TSPOAP1: variants seen among roughly 807,000 people sequenced by gnomAD.
The protein encoded by TSPOAP1 is TSPO associated protein 1.
In TSPOAP1, 87 loss-of-function variants were observed where a neutral mutation model predicts 197.0. The observed-to-expected ratio is 0.44, with a 90% CI of 0.37 to 0.53. The LOEUF is 0.53. TSPOAP1 is among the 20% of genes least tolerant of loss of function. The pLI is 0.00. For missense variants in TSPOAP1, 2,174 were observed against 2,411.3 expected (o/e 0.90, Z 2.06); for synonymous variants, 913 against 998.9 (o/e 0.91, Z 1.62).
At chr17:58,320,980 C>T (rs1265273228) in intron 10 of TSPOAP1, among the ~76,000 whole-genome samples, 1 of 152,078 alleles carries the variant, frequency 6.6e-6, no homozygotes, top group African/African-American at 2.4e-5. Flanking sequence ...TTTATATTGT[C>T]TACTCTCTTC....
In TSPOAP1 at chr17:58,308,829, C is replaced by T. The variant is rs768685274; in HGVS notation, c.4443G>A (p.Ala1481=). 1.2e-5 allele frequency: 20 copies of T among 1,611,762 alleles called. No individual in the cohort carries two copies. The highest frequency in any genetic ancestry group is 1.1e-4 in the African/African-American group (8 of 74,934). ...GPSRRCSRGR[A]LEPGLASCLS... is the part of the protein sequence containing the mutation. Reference sequence around the variant, plus strand: ...GGCAGCTGGCCAGGCCAGGCTCCAGCGCCCGGCCACGGGAGCACCTCCGGG... The same window carrying T: ...GGCAGCTGGCCAGGCCAGGCTCCAGTGCCCGGCCACGGGAGCACCTCCGGG... Residue 1481 remains alanine (A), a synonymous_variant, in exon 22 of 32, where the codon GCG becomes GCA. Transcript: ENST00000343736.
chr17:58,312,288 G>A lies in TSPOAP1; in HGVS notation c.2533C>T (p.Leu845=), dbSNP rs752983349. 2 of 1,612,790 alleles carry A rather than the reference G, an allele frequency of 1.2e-6. No individual in the cohort carries two copies. Among genetic ancestry groups the A allele is most frequent in the East Asian group, 2.2e-5 (1 of 44,882 alleles). The change falls in exon 17 of 32, where the codon CTG becomes TTG. Residue 845 remains leucine, a synonymous_variant. Coordinates refer to ENST00000343736, the MANE Select transcript of TSPOAP1 (RefSeq NM_004758.4). ...LGPGAPPKAV[L]ENLDLWAGPL... is the part of the protein sequence containing the mutation. The stretch of plus-strand genomic sequence containing the variant: ...CCGGCCCACAGGTCCAGGTTCTCCA[G>A]CACGGCCTTGGGTGGCGCCCCAGGC...
rs747818219 is a variant in TSPOAP1 at position 58,312,312 on chromosome 17, G to A, written c.2509C>T (p.Pro837Ser). 1.8e-5 allele frequency: 29 copies of A among 1,612,876 alleles called. No homozygotes were observed. In the South Asian group the frequency reaches 2.6e-4, roughly 15 times the overall value. ...VNGELRQALG[P>S]GAPPKAVLEN... ...AGCACGGCCTTGGGTGGCGCCCCAGGCCCCAGGGCCTGTCGCAGCTCCCCA... is the reference window on the plus strand; with the variant it reads ...AGCACGGCCTTGGGTGGCGCCCCAGACCCCAGGGCCTGTCGCAGCTCCCCA... The change falls in exon 17 of 32, where the codon CCT becomes TCT. Residue 837 changes from proline (P) to serine (S), a missense_variant. By Grantham distance (74) the Pro-to-Ser change is moderately conservative. Coordinates refer to ENST00000343736, the MANE Select transcript of TSPOAP1 (RefSeq NM_004758.4).
chr17:58,321,988 A>G (rs1455907555), intron 10 of TSPOAP1: 3 of 325,296 alleles, frequency 9.2e-6, no homozygotes, highest in South Asian at 6.2e-5. Flanking sequence ...GAGCATGTGC[A>G]TGTCTACACC....
At chr17:58,320,233 G>T in intron 11 of TSPOAP1, 104 bp from the exon 12 acceptor site, 2 of 1,377,190 alleles carry the variant, frequency 1.5e-6, no homozygotes, top group Non-Finnish European at 2.1e-6. Flanking sequence ...ATATCATCCA[G>T]TCAGCTCCCT....
Position 58,308,722 on chromosome 17 carries a change from G to T in TSPOAP1, c.4550C>A (p.Thr1517Asn). Residue 1517 changes from threonine (T) to asparagine (N), a missense_variant, in exon 22 of 32, where the codon ACC (threonine) becomes AAC (asparagine). This residue lies in a region of TSPOAP1 where 1,933 missense variants were observed against 2,139.0 expected (regional missense o/e 0.90). Coordinates refer to ENST00000343736, the MANE Select transcript of TSPOAP1 (RefSeq NM_004758.4). ...QEAGSGGISI[T>N]SSCYPGDGEA... ...CCCATCTCCAGGGTAGCAGGAGCTG[G>T]TGATGCTGATGCCCCCGCTGCCCGC... 1 of 1,613,068 alleles carries T rather than the reference G, an allele frequency of 6.2e-7. No individual in the cohort carries two copies. Among genetic ancestry groups the T allele is most frequent in the Non-Finnish European group, 8.5e-7 (1 of 1,179,984 alleles).
chr17:58,308,774 C>G lies in TSPOAP1; in HGVS notation c.4498G>C (p.Glu1500Gln). 1 of 1,613,082 alleles carries G rather than the reference C, an allele frequency of 6.2e-7. No individual in the cohort carries two copies. The highest frequency in any genetic ancestry group is 8.5e-7 in the Non-Finnish European group (1 of 1,180,004). The part of the protein sequence containing the change: ...LSPKCLEISI[E>Q]YDSEDEQEAG... ...TCCTGCTCATCCTCCGAATCATATT[C>G]AATGCTGATTTCCAAGCACTTGGGG... Residue 1500 changes from glutamate (E) to glutamine (Q), a missense_variant, in exon 22 of 32, where the codon GAA becomes CAA. Physicochemically the swap from Glu to Gln is conservative, Grantham distance 29. Around this residue, in one of 5 missense-constraint regions of TSPOAP1, gnomAD observed 1,933 missense variants for 2,139.0 expected, o/e 0.90. Coordinates refer to ENST00000343736, the MANE Select transcript of TSPOAP1 (RefSeq NM_004758.4).
Position 58,305,842 on chromosome 17 carries a change from G to A in TSPOAP1, c.5248C>T (p.Pro1750Ser), listed in dbSNP as rs1442818041. Residue 1750 changes from proline to serine, a missense_variant, in exon 27 of 32, where the codon CCC becomes TCC. Physicochemically the swap from Pro to Ser is moderately conservative, Grantham distance 74 (BLOSUM62 -1). Transcript: ENST00000343736. ...AGGGATATTCCTTCACCTGGACAGG[G>A]CTGGGCAGGGCCTTCCGACTCAGCT... ...KKAESEGPAQ[P>S]CPGPPKLVPS... The A allele has an allele frequency of 6.2e-7, 1 of 1,612,766 alleles. No individual in the cohort carries two copies. The highest frequency in any genetic ancestry group is 8.5e-7 in the Non-Finnish European group (1 of 1,179,704).
rs1970745108 is a variant in TSPOAP1 at position 58,302,429 on chromosome 17, G to A, written c.*51C>T. On this transcript the variant is annotated 3_prime_UTR_variant, in exon 32 of 32. Transcript: ENST00000343736. The stretch of plus-strand genomic sequence containing the variant: ...CCACCTGGGGGCCCTGGGGACCCTT[G>A]TGTGGTGCAGCCCCAGTCCTGAAAT... 7.9e-7 allele frequency: 1 copy of A among 1,270,586 alleles called. No homozygotes were observed. Among genetic ancestry groups the A allele is most frequent in the South Asian group, 1.3e-5 (1 of 78,370 alleles). The allele number at this position is 1,270,586 out of a possible 1,614,324, so 78.7% of individuals were successfully genotyped here.
chr17:58,322,738 C>T lies in TSPOAP1; in HGVS notation c.1233G>A (p.Leu411=), dbSNP rs763313640. 2 of 1,612,962 alleles carry T rather than the reference C, an allele frequency of 1.2e-6. No individual in the cohort carries two copies. Among genetic ancestry groups the T allele is most frequent in the Non-Finnish European group, 1.7e-6 (2 of 1,180,004 alleles). ...CTGAGTCCCTCTCCTGTGTCACCCC[C>T]AGGAGCTGGCCCCTCAGCTCCGCAT... is the stretch of plus-strand genomic sequence containing the variant. ...WENAELRGQL[L]GVTQERDSAL... is the part of the protein sequence containing the mutation. The change falls in exon 9 of 32, where the codon CTG becomes CTA. Residue 411 remains leucine (L), a synonymous_variant. Coordinates refer to ENST00000343736, the MANE Select transcript of TSPOAP1 (RefSeq NM_004758.4). The surrounding 1 kb of genome is among the most constrained non-coding windows in gnomAD (Gnocchi z 5.0).
At position 58,328,023 on chromosome 17, in the gene TSPOAP1, T is replaced by C. The variant is rs539406830; in HGVS notation, c.-103A>G. 7 of 1,066,808 alleles carry C rather than the reference T, an allele frequency of 6.6e-6. No individual in the cohort carries two copies. The South Asian group carries it at 6.6e-5, about 10-fold the overall frequency. 66.1% of individuals were successfully genotyped at this position (1,066,808 alleles called of 1,614,324 possible). Reference sequence around the variant, plus strand: ...AGGCCAGCCCCTCTCCCCTCTGAGCTCTTGCTTCACCGACGCTCCATCCAA... The same window carrying C: ...AGGCCAGCCCCTCTCCCCTCTGAGCCCTTGCTTCACCGACGCTCCATCCAA... On this transcript the variant is annotated 5_prime_UTR_variant, in exon 1 of 32. Transcript: ENST00000343736. The surrounding 1 kb of genome is among the most constrained non-coding windows in gnomAD (Gnocchi z 4.3).
In TSPOAP1 at chr17:58,324,876, A is replaced by T; in HGVS notation, c.877T>A (p.Ser293Thr). The T allele has an allele frequency of 2.0e-6, 3 of 1,531,220 alleles. No individual in the cohort carries two copies. In the African/African-American group the frequency reaches 4.1e-5, roughly 21 times the overall value. 94.9% of individuals were successfully genotyped at this position (1,531,220 alleles called of 1,614,324 possible). Residue 293 changes from serine (S) to threonine (T), a missense_variant, in exon 5 of 32, where the codon TCC (serine) becomes ACC (threonine). Transcript: ENST00000343736. This position sits in a 1 kb window ranked among gnomAD's most constrained non-coding sequence, Gnocchi z 5.8. ...TGGAGAGCAGGGCCCGGGGGCCAGG[A>T]CGGCGGGAGCGGGAGCGTCTCCCGC... The part of the protein sequence containing the change: ...NQRETLPLPP[S>T]WPPGPALQAR...
Position 58,304,074 on chromosome 17 carries a change from C to T in TSPOAP1, c.*32+264G>A. On this transcript the variant is annotated intron_variant, in intron 31 of 31. Transcript: ENST00000343736. This position sits in a 1 kb window ranked among gnomAD's most constrained non-coding sequence, Gnocchi z 4.2. The stretch of plus-strand genomic sequence containing the variant: ...ACATGTGTTATAGAATAGGAAGCAT[C>T]AGCTAATATGGGACATCACACACTA... The T allele has an allele frequency of 2.2e-6, 1 of 447,684 alleles. No individual in the cohort carries two copies. The highest frequency in any genetic ancestry group is 4.1e-6 in the Non-Finnish European group (1 of 246,360). 27.7% of individuals were successfully genotyped at this position (447,684 alleles called of 1,614,324 possible). A position where few individuals can be genotyped will look rare whatever the true frequency, so the allele number is the denominator to read the frequency against.
rs367626812 is a variant in TSPOAP1 at position 58,310,477 on chromosome 17, C to A, written c.3699+35G>T. On this transcript the variant is annotated intron_variant, in intron 20 of 31. Coordinates refer to ENST00000343736, the MANE Select transcript of TSPOAP1 (RefSeq NM_004758.4). ...AAAGGTAGGGAGACAGGCCTCAATT[C>A]TCTGAAGTGACACAGTGTGTCCCCA... is the stretch of plus-strand genomic sequence containing the variant. The A allele has an allele frequency of 2.3e-4, 372 of 1,603,706 alleles. 1 individual carries two copies. The highest frequency in any genetic ancestry group is 3.1e-4 in the Non-Finnish European group (361 of 1,173,562).
chr17:58,327,331 G>A (rs1450061965), intron 1 of TSPOAP1, among the ~76,000 whole-genome samples: 1 of 152,204 alleles, frequency 6.6e-6, no homozygotes, highest in African/African-American at 2.4e-5. Context: ...AGAGAGGGAC[G>A]GGGCAGCAGC....
In TSPOAP1 at chr17:58,322,158, A is replaced by G; in HGVS notation, c.1422+150T>C. ...GAAATCAGCTCACTCCTGGATGCTA[A>G]TTTGCTGACTGCTCAGGGACCTGGT... On this transcript the variant is annotated intron_variant, in intron 10 of 31. Coordinates refer to ENST00000343736, the MANE Select transcript of TSPOAP1 (RefSeq NM_004758.4). The surrounding 1 kb of genome is among the most constrained non-coding windows in gnomAD (Gnocchi z 5.0). 1.4e-6 allele frequency: 1 copy of G among 711,538 alleles called. No individual in the cohort carries two copies. The highest frequency in any genetic ancestry group is 2.3e-6 in the Non-Finnish European group (1 of 427,976). 44.1% of individuals were successfully genotyped at this position (711,538 alleles called of 1,614,324 possible).
Position 58,312,319 on chromosome 17 carries a change from G to T in TSPOAP1, c.2502C>A (p.Ala834=). 6.2e-7 allele frequency: 1 copy of T among 1,612,846 alleles called. No individual in the cohort carries two copies. The highest frequency in any genetic ancestry group is 1.3e-5 in the African/African-American group (1 of 75,052). Reference sequence around the variant, plus strand: ...CCTTGGGTGGCGCCCCAGGCCCCAGGGCCTGTCGCAGCTCCCCATTCACAC... The same window carrying T: ...CCTTGGGTGGCGCCCCAGGCCCCAGTGCCTGTCGCAGCTCCCCATTCACAC... ...HICVNGELRQ[A]LGPGAPPKAV... The change falls in exon 17 of 32, where the codon GCC becomes GCA. Residue 834 remains alanine, a synonymous_variant. Transcript: ENST00000343736.
intron 10 of TSPOAP1, chr17:58,321,970 C>T (rs944748867): frequency 3.3e-5 from 9 of 275,856 alleles, no homozygotes; most frequent in South Asian, 2.7e-4. Flanking sequence ...CAGCTCTTCC[C>T]TGCCACAGAG....
rs754679214 is a variant in TSPOAP1, at chr17:58,318,422, C to A, written c.1730G>T (p.Arg577Leu). 1 of 1,613,566 alleles carries A rather than the reference C, an allele frequency of 6.2e-7. No homozygotes were observed. The highest frequency in any genetic ancestry group is 1.3e-5 in the African/African-American group (1 of 74,876). ...DLDLPPGSPG[R>L]CTPKSSEPAP... is the part of the protein sequence containing the mutation. ...AGGCTCGGAAGACTTTGGGGTGCAGCGCCCAGGGGAGCCCGGCGGGAGGTC... is the reference window on the plus strand; with the variant it reads ...AGGCTCGGAAGACTTTGGGGTGCAGAGCCCAGGGGAGCCCGGCGGGAGGTC... The change falls in exon 14 of 32, where the codon CGC becomes CTC. Residue 577 changes from arginine (R) to leucine (L), a missense_variant. This residue lies in a region of TSPOAP1 where 1,933 missense variants were observed against 2,139.0 expected (regional missense o/e 0.90). Coordinates refer to ENST00000343736, the MANE Select transcript of TSPOAP1 (RefSeq NM_004758.4).
Sources: allele counts gnomAD v4.1 joint callset (sites outside exome capture counted in the v4.1 genomes callset), GRCh38; gene constraint gnomAD v4.1.1; regional missense constraint gnomAD v4.1.1; non-coding constraint Gnocchi (gnomAD v3.1); transcripts MANE v1.5; gene names NCBI Gene and HGNC (gene_info 2026-07-23, HGNC 2026-07-21).